IL20RA: variants seen among roughly 807,000 people sequenced by gnomAD.
The protein encoded by IL20RA is interleukin 20 receptor subunit alpha.
In IL20RA, 29 loss-of-function variants were observed where a neutral mutation model predicts 36.5. That is an observed-to-expected ratio of 0.79 (90% CI 0.59 to 1.08). The LOEUF (loss-of-function observed/expected upper bound fraction) is 1.08, where lower values mean the gene tolerates loss of function less well. Ranked by LOEUF, IL20RA falls within the 50% of genes least tolerant of loss-of-function variation. The pLI is 0.00. For missense variants in IL20RA, 652 were observed against 668.4 expected (o/e 0.98, Z 0.27); for synonymous variants, 279 against 267.1 (o/e 1.04, Z -0.43).
At position 137,002,100 on chromosome 6, in the gene IL20RA, CAG is replaced by C. The variant is rs1775084104; in HGVS notation, c.1118_1119del (p.Ser373Ter). 1.2e-6 allele frequency: 2 copies of C among 1,614,158 alleles called. No individual in the cohort carries two copies. The highest frequency in any genetic ancestry group is 2.7e-5 in the African/African-American group (2 of 75,034). On this transcript the variant is annotated frameshift_variant, in exon 7 of 7. Transcript: ENST00000316649. LOFTEE classifies it low-confidence loss of function (END_TRUNC). ...ASHLMEIFCD[S>X]EENTEGTSLT... ...AGAGAAGTACCTTCCGTGTTTTCTT[CAG>C]AGTCACAAAAAATTTCCATCAAATG...
intron 1 of IL20RA, among the ~76,000 whole-genome samples, chr6:137,030,903 G>A (rs967381118): frequency 1.3e-5 from 2 of 152,084 alleles, no homozygotes; most frequent in African/African-American, 4.8e-5. Context: ...GACATCTCTG[G>A]AGTATGCTTT....
At chr6:137,029,494 G>A (rs777416758) in intron 1 of IL20RA, among the ~76,000 whole-genome samples, 4 of 151,868 alleles carry the variant, frequency 2.6e-5, no homozygotes, top group Non-Finnish European at 5.9e-5. Flanking sequence ...GCAACAGAGT[G>A]AGACTGTGTC....
At chr6:137,038,760 A>G (rs1181704499) in intron 1 of IL20RA, among the ~76,000 whole-genome samples, 1 of 152,176 alleles carries the variant, frequency 6.6e-6, no homozygotes, top group Non-Finnish European at 1.5e-5. Context: ...CATGTCAATG[A>G]CACCTGGTAA....
At chr6:137,031,737 A>G (rs771254860) in intron 1 of IL20RA, among the ~76,000 whole-genome samples, 1 of 152,184 alleles carries the variant, frequency 6.6e-6, no homozygotes, top group Non-Finnish European at 1.5e-5. Flanking sequence ...TCAGGTTGTG[A>G]TCAAGAAAAT....
chr6:137,039,045 G>C (rs1402047474), intron 1 of IL20RA, among the ~76,000 whole-genome samples: 1 of 152,198 alleles, frequency 6.6e-6, no homozygotes, highest in African/African-American at 2.4e-5. Context: ...CAGTTTATGA[G>C]TAAGTGAAAT....
Position 137,002,097 on chromosome 6 carries a change from C to T in IL20RA, c.1123G>A (p.Glu375Lys). The T allele has an allele frequency of 6.2e-7, 1 of 1,614,182 alleles. No homozygotes were observed. The highest frequency in any genetic ancestry group is 8.5e-7 in the Non-Finnish European group (1 of 1,180,038). ...HLMEIFCDSE[E>K]NTEGTSLTQQ... is the part of the protein sequence containing the mutation. ...GTGAGAGAAGTACCTTCCGTGTTTT[C>T]TTCAGAGTCACAAAAAATTTCCATC... The change falls in exon 7 of 7, where the codon GAA becomes AAA. Residue 375 changes from glutamate to lysine, a missense_variant. Physicochemically the swap from Glu to Lys is moderately conservative, Grantham distance 56 (BLOSUM62 1). Transcript: ENST00000316649.
At chr6:137,030,920 C>T (rs1776254874) in intron 1 of IL20RA, among the ~76,000 whole-genome samples, 1 of 152,170 alleles carries the variant, frequency 6.6e-6, no homozygotes, top group Non-Finnish European at 1.5e-5. Flanking sequence ...CTTTCAGCAT[C>T]ACCTCCCCTT....
intron 1 of IL20RA, among the ~76,000 whole-genome samples, chr6:137,018,782 C>T (rs1775798054): frequency 6.6e-6 from 1 of 152,152 alleles, no homozygotes; most frequent in African/African-American, 2.4e-5. Context: ...TTGAGTATAA[C>T]ACTTCTCAGC....
chr6:137,026,322 G>C (rs1388345452), intron 1 of IL20RA, among the ~76,000 whole-genome samples: 1 of 152,066 alleles, frequency 6.6e-6, no homozygotes, highest in Non-Finnish European at 1.5e-5. Context: ...GGAACTCTTC[G>C]GGCTGACATA....
intron 1 of IL20RA, among the ~76,000 whole-genome samples, chr6:137,034,735 T>C (rs1251323768): frequency 5.9e-5 from 9 of 151,958 alleles, no homozygotes; most frequent in Admixed American, 5.2e-4. Context: ...GGTCAGGAGA[T>C]GGAGACCACC....
chr6:137,029,023 G>C (rs546374501), intron 1 of IL20RA, among the ~76,000 whole-genome samples: 6 of 152,200 alleles, frequency 3.9e-5, no homozygotes, highest in African/African-American at 1.4e-4. Context: ...ATTCTGATCA[G>C]TGCGTGCCAA....
chr6:137,041,822 A>G (rs1037804326), intron 1 of IL20RA, among the ~76,000 whole-genome samples: 6 of 151,310 alleles, frequency 4.0e-5, no homozygotes, highest in Non-Finnish European at 5.9e-5. Flanking sequence ...TTAAATATAT[A>G]TATATATATA....
intron 1 of IL20RA, among the ~76,000 whole-genome samples, chr6:137,043,794 T>C (rs1776796488): frequency 6.6e-6 from 1 of 152,204 alleles, no homozygotes; most frequent in Non-Finnish European, 1.5e-5. Context: ...TTTTTTAAAA[T>C]AATTTTTTTA....
Position 137,044,915 on chromosome 6 carries a change from C to G in IL20RA, c.-187G>C. 2.2e-6 allele frequency: 1 copy of G among 451,920 alleles called. No individual in the cohort carries two copies. Among genetic ancestry groups the G allele is most frequent in the Non-Finnish European group, 3.4e-6 (1 of 290,846 alleles). 28.0% of individuals were successfully genotyped at this position (451,920 alleles called of 1,614,324 possible). A position where few individuals can be genotyped will look rare whatever the true frequency, so the allele number is the denominator to read the frequency against. On this transcript the variant is annotated 5_prime_UTR_variant, in exon 1 of 7. Transcript: ENST00000316649. ...CCCAGGCTTCCCCAGAAACCAAGGG[C>G]GAGCGACTCGCGGAGCCCCCACGCG...
intron 1 of IL20RA, among the ~76,000 whole-genome samples, chr6:137,043,671 C>T (rs775276997): frequency 2.6e-5 from 4 of 152,182 alleles, no homozygotes; most frequent in Non-Finnish European, 5.9e-5. Context: ...ACTCCAGATT[C>T]ACCGTCAACT....
At chr6:137,009,645 G>A (rs1274577773) in intron 3 of IL20RA, among the ~76,000 whole-genome samples, 153 bp from the exon 4 acceptor site, 2 of 126,746 alleles carry the variant, frequency 1.6e-5, no homozygotes, top group Non-Finnish European at 1.6e-5. Flanking sequence ...TTGCCCCCTC[G>A]CCTAGGCTGG....
chr6:137,019,964 T>C (rs1775840544), intron 1 of IL20RA, among the ~76,000 whole-genome samples: 1 of 152,226 alleles, frequency 6.6e-6, no homozygotes, highest in Non-Finnish European at 1.5e-5. Context: ...ACAGGTTGTA[T>C]CATTCTCTCC....
chr6:137,020,806 G>A (rs1441522687), intron 1 of IL20RA, among the ~76,000 whole-genome samples: 1 of 152,094 alleles, frequency 6.6e-6, no homozygotes, highest in Non-Finnish European at 1.5e-5. Flanking sequence ...CTGCATCTGG[G>A]GAAAAAATAC....
intron 1 of IL20RA, among the ~76,000 whole-genome samples, chr6:137,022,489 A>G (rs1775939202): frequency 6.6e-6 from 1 of 152,210 alleles, no homozygotes; most frequent in Non-Finnish European, 1.5e-5. Flanking sequence ...TGTCTCCCAT[A>G]TAAATCATAC....
Sources: allele counts gnomAD v4.1 joint callset (sites outside exome capture counted in the v4.1 genomes callset), GRCh38; gene constraint gnomAD v4.1.1; transcripts MANE v1.5; gene names NCBI Gene and HGNC (gene_info 2026-07-23, HGNC 2026-07-21).